The following HYAL4 variants were observed in gnomAD, a reference collection of about 807,000 sequenced individuals.
The protein encoded by HYAL4 is hyaluronidase-4.
Under a neutral mutation model 35.2 loss-of-function variants are expected in HYAL4, and 37 were observed. The observed-to-expected ratio is 1.05, with a 90% CI of 0.81 to 1.38. The LOEUF (loss-of-function observed/expected upper bound fraction) is 1.38. Among genes scored for constraint, HYAL4 ranks in the 40% most tolerant of loss-of-function variants. HYAL4 has a pLI of 0.00. For synonymous variants in HYAL4, 198 were observed against 203.2 expected (o/e 0.97, Z 0.22); for missense variants, 572 against 572.4 (o/e 1.00, Z 0.01).
At chr7:123,851,416 G>A (rs965777232) in intron 2 of HYAL4, among the ~76,000 whole-genome samples, 5 of 151,808 alleles carry the variant, frequency 3.3e-5, no homozygotes, top group Non-Finnish European at 7.4e-5. Flanking sequence ...CTGACAGCCC[G>A]TGTGTGTGAT....
the HYAL4 span, among the ~76,000 whole-genome samples, chr7:123,777,097 A>G: frequency 6.6e-6 from 1 of 152,148 alleles, no homozygotes; most frequent in Non-Finnish European, 1.5e-5. Context: ...ACTCCCAGAT[A>G]ATGAGACCAT....
intron 4 of HYAL4, chr7:123,875,940 G>C (rs899303809): frequency 2.3e-6 from 1 of 443,794 alleles, no homozygotes; most frequent in African/African-American, 2.0e-5. Flanking sequence ...TGTTGCTACT[G>C]AGATAGTGTT....
chr7:123,806,700 A>C, the HYAL4 span, among the ~76,000 whole-genome samples: 2 of 151,300 alleles, frequency 1.3e-5, no homozygotes, highest in African/African-American at 4.9e-5. Context: ...GATCCATCCA[A>C]CCCAGCCTCC....
chr7:123,779,535 G>A, the HYAL4 span, among the ~76,000 whole-genome samples: 3 of 152,204 alleles, frequency 2.0e-5, no homozygotes, highest in Middle Eastern at 3.4e-3. Flanking sequence ...GAAAATAATG[G>A]TGATGGTGGT....
intron 2 of HYAL4, among the ~76,000 whole-genome samples, chr7:123,854,910 T>C (rs1406918494): frequency 1.3e-5 from 2 of 152,238 alleles, no homozygotes; most frequent in African/African-American, 4.8e-5. Flanking sequence ...TGCTCCTGTA[T>C]TGGGTGCATA....
intron 1 of HYAL4, among the ~76,000 whole-genome samples, chr7:123,834,421 G>A (rs1321780232): frequency 2.0e-5 from 3 of 152,212 alleles, no homozygotes; most frequent in African/African-American, 7.2e-5. Context: ...CTACTGATTT[G>A]TGTACATTAA....
At chr7:123,857,076 G>A (rs1241802939) in intron 2 of HYAL4, among the ~76,000 whole-genome samples, 1 of 152,164 alleles carries the variant, frequency 6.6e-6, no homozygotes, top group Admixed American at 6.5e-5. Context: ...AGATTGCTGT[G>A]CTGGCAGCAA....
At chr7:123,849,772 C>T (rs1197529957) in intron 2 of HYAL4, among the ~76,000 whole-genome samples, 1 of 152,042 alleles carries the variant, frequency 6.6e-6, no homozygotes, top group East Asian at 1.9e-4. Flanking sequence ...GAGGCTGAGG[C>T]AGGAGAATTG....
the HYAL4 span, among the ~76,000 whole-genome samples, chr7:123,803,488 T>C: frequency 6.6e-6 from 1 of 152,216 alleles, no homozygotes; most frequent in South Asian, 2.1e-4. Flanking sequence ...CTTGCCTTCC[T>C]TAAATGTTTG....
chr7:123,861,523 A>C (rs1034227996), intron 2 of HYAL4, among the ~76,000 whole-genome samples: 1 of 152,178 alleles, frequency 6.6e-6, no homozygotes, highest in African/African-American at 2.4e-5. Context: ...CTAAAAGAGG[A>C]GTAATACTTA....
the HYAL4 span, among the ~76,000 whole-genome samples, chr7:123,812,084 C>T: frequency 2.0e-5 from 3 of 152,116 alleles, no homozygotes; most frequent in African/African-American, 7.2e-5. Context: ...TCGTGATCTG[C>T]CTGCCTCGGC....
the HYAL4 span, among the ~76,000 whole-genome samples, chr7:123,785,922 C>G: frequency 1.3e-5 from 2 of 151,442 alleles, no homozygotes; most frequent in African/African-American, 4.9e-5. The surrounding 1 kb of genome is among the most constrained non-coding windows in gnomAD (Gnocchi z 4.5). Flanking sequence ...GCAAAAGAAG[C>G]AAGCCCTTCA....
intron 2 of HYAL4, among the ~76,000 whole-genome samples, chr7:123,856,439 A>G (rs572747252): frequency 6.6e-6 from 1 of 152,218 alleles, no homozygotes; most frequent in South Asian, 2.1e-4. Context: ...TTTTCCTTCT[A>G]ACAGTCAGGT....
At chr7:123,812,498 A>G in the HYAL4 span, among the ~76,000 whole-genome samples, 1 of 152,192 alleles carries the variant, frequency 6.6e-6, no homozygotes, top group Non-Finnish European at 1.5e-5. Context: ...TCCATAGGCT[A>G]GCTAGAAAAA....
the HYAL4 span, among the ~76,000 whole-genome samples, chr7:123,809,169 C>T: frequency 6.6e-6 from 1 of 152,098 alleles, no homozygotes; most frequent in African/African-American, 2.4e-5. Flanking sequence ...CTTCTTTACA[C>T]TCTCTAATGG....
At chr7:123,844,081 T>G (rs1806124696), upstream of HYAL4, among the ~76,000 whole-genome samples, 1 of 152,084 alleles carries the variant, frequency 6.6e-6, no homozygotes, top group African/African-American at 2.4e-5. Context: ...AAAGGCATTC[T>G]GATTTTTAGA....
chr7:123,797,459 C>G, the HYAL4 span, among the ~76,000 whole-genome samples: 4 of 152,140 alleles, frequency 2.6e-5, no homozygotes, highest in Admixed American at 2.6e-4. Flanking sequence ...AAAATGTCAG[C>G]TAAGTAAATG....
chr7:123,874,934 A>G, intron 4 of HYAL4, 84 bp downstream of exon 4: 3 of 768,448 alleles, frequency 3.9e-6, no homozygotes, highest in Non-Finnish European at 6.8e-6. Context: ...TGACCTCCAT[A>G]GCAAACCAGC....
chr7:123,785,190 A>T, the HYAL4 span, among the ~76,000 whole-genome samples: 1 of 152,084 alleles, frequency 6.6e-6, no homozygotes. This position sits in a 1 kb window ranked among gnomAD's most constrained non-coding sequence, Gnocchi z 4.5. Flanking sequence ...TGTTTAAATG[A>T]TCCTCTGGCC....
Sources: gnomAD v4.1 joint callset for allele counts (sites outside exome capture counted in the v4.1 genomes callset) on GRCh38, gnomAD v4.1.1 for gene constraint, Gnocchi (gnomAD v3.1) non-coding constraint, MANE v1.5 for transcripts, NCBI Gene and HGNC (gene_info 2026-07-23, HGNC 2026-07-21) for gene names.